Variants in PIK3R5 observed in about 807,000 individuals in gnomAD.
PIK3R5 encodes the protein phosphoinositide 3-kinase regulatory subunit 5.
A neutral mutation model predicts 94.9 loss-of-function variants in PIK3R5; 32 were observed. The ratio of observed to expected loss-of-function variants is 0.34; its 90% CI spans 0.25 to 0.45. The LOEUF (loss-of-function observed/expected upper bound fraction) is 0.45, where lower values mean the gene tolerates loss of function less well. Ranked by LOEUF, PIK3R5 falls within the 20% of genes least tolerant of loss-of-function variation. The probability of loss-of-function intolerance (pLI) is 1.00; values close to 1 mark genes in which losing one functional copy is unlikely to be tolerated. For missense variants in PIK3R5, 853 were observed against 1,144.6 expected, an observed-to-expected ratio of 0.75 and a Z score of 3.68; for synonymous variants, 443 against 479.4, an observed-to-expected ratio of 0.92 and a Z score of 0.99.
intron 1 of PIK3R5, among the ~76,000 whole-genome samples, chr17:8,929,430 G>T (rs540973760): frequency 2.0e-5 from 3 of 152,272 alleles, no homozygotes; most frequent in African/African-American, 7.2e-5. Flanking sequence ...ATAAAGTGGA[G>T]CTCAGAGCAA....
intron 1 of PIK3R5, among the ~76,000 whole-genome samples, chr17:8,923,903 TCCCC>T (rs2090805525): frequency 3.6e-4 from 9 of 25,000 alleles, no homozygotes; most frequent in African/African-American, 1.3e-3. Context: ...TCCCCTCCCC[TCCCC>T]TTCCCTTCCC....
At chr17:8,910,293 A>G (rs1195149995) in intron 2 of PIK3R5, among the ~76,000 whole-genome samples, 1 of 152,184 alleles carries the variant, frequency 6.6e-6, no homozygotes. Context: ...CCATGTGGTC[A>G]CAGGTTGTCA....
At chr17:8,959,460 C>T (rs1194163316) in intron 1 of PIK3R5, among the ~76,000 whole-genome samples, 1 of 152,114 alleles carries the variant, frequency 6.6e-6, no homozygotes. Context: ...TTCACATGTA[C>T]ATGTGTGCTT....
intron 1 of PIK3R5, among the ~76,000 whole-genome samples, chr17:8,941,901 C>T (rs1232277988): frequency 6.6e-6 from 1 of 152,192 alleles, no homozygotes; most frequent in Non-Finnish European, 1.5e-5. Flanking sequence ...AGAAAGATCC[C>T]CCTATTTACT....
chr17:8,888,818 C>T lies in PIK3R5; in HGVS notation c.969G>A (p.Glu323=), dbSNP rs555125485. 6 of 1,610,390 alleles carry T rather than the reference C, an allele frequency of 3.7e-6. No homozygotes were observed. The Admixed American group carries it at 1.0e-4, about 27-fold the overall frequency. ...CCTCCACCTCCTCCTCCTCCTCTTC[C>T]TCCTCTTCATCATCTCCCAGGATCC... ...QPGILGDDEE[E]EEEEEEVEED... The change falls in exon 10 of 19, where the codon GAG becomes GAA. Residue 323 remains glutamate (E), a synonymous_variant. Transcript: ENST00000447110. The surrounding 1 kb of genome is among the most constrained non-coding windows in gnomAD (Gnocchi z 7.8).
At chr17:8,942,128 C>A (rs751634030) in intron 1 of PIK3R5, among the ~76,000 whole-genome samples, 12 of 152,146 alleles carry the variant, frequency 7.9e-5, no homozygotes, top group Non-Finnish European at 1.5e-4. Context: ...CAGCTTCTCT[C>A]CCTTCCATTG....
chr17:8,885,042 C>T, intron 14 of PIK3R5: 1 of 483,362 alleles, frequency 2.1e-6, no homozygotes, highest in South Asian at 2.1e-5. Flanking sequence ...TCTCCAGGGC[C>T]CCATCTCCGC....
Position 8,880,603 on chromosome 17 carries a change from C to T in PIK3R5, c.*36G>A. ...CTGGAGGGGTGGCCGAGGAGGTTGCCCCAGGGCTTCTGTCCAGTCTGGCGC... is the reference window on the plus strand; with the variant it reads ...CTGGAGGGGTGGCCGAGGAGGTTGCTCCAGGGCTTCTGTCCAGTCTGGCGC... On this transcript the variant is annotated 3_prime_UTR_variant, in exon 19 of 19. Coordinates refer to ENST00000447110, the MANE Select transcript of PIK3R5 (RefSeq NM_001142633.3). 1 of 1,560,644 alleles carries T rather than the reference C, an allele frequency of 6.4e-7. No homozygotes were observed. The highest frequency in any genetic ancestry group is 1.2e-5 in the South Asian group (1 of 82,514).
At position 8,893,512 on chromosome 17, in the gene PIK3R5, G is replaced by A; in HGVS notation, c.482+74C>T. Reference sequence around the variant, plus strand: ...GGCACTGGATGTTTGAGTGGGGGAGGAGGGTGAAGGTGGAACAGTGCAGGG... The same window carrying A: ...GGCACTGGATGTTTGAGTGGGGGAGAAGGGTGAAGGTGGAACAGTGCAGGG... On this transcript the variant is annotated intron_variant, in intron 6 of 18. Transcript: ENST00000447110. This position sits in a 1 kb window ranked among gnomAD's most constrained non-coding sequence, Gnocchi z 5.1. 7 of 1,164,486 alleles carry A rather than the reference G, an allele frequency of 6.0e-6. No individual in the cohort carries two copies. In the Admixed American group the frequency reaches 1.0e-4, roughly 17 times the overall value. 72.1% of individuals were successfully genotyped at this position (1,164,486 alleles called of 1,614,324 possible).
chr17:8,906,751 C>T (rs1247823858), intron 3 of PIK3R5, among the ~76,000 whole-genome samples: 1 of 151,968 alleles, frequency 6.6e-6, no homozygotes, highest in Non-Finnish European at 1.5e-5. Context: ...GGCACAGTGG[C>T]GCACACCTGT....
At position 8,934,569 on chromosome 17, in the gene PIK3R5, G is replaced by A. The variant is rs150443940; in HGVS notation, c.-13-23062C>T. Among the ~76,000 whole-genome samples, 274 of 152,118 alleles carry A rather than the reference G, an allele frequency of 1.8e-3. 1 individual carries two copies. Among genetic ancestry groups the A allele is most frequent in the African/African-American group, 5.8e-3 (239 of 41,500 alleles). On this transcript the variant is annotated intron_variant, in intron 1 of 18. Transcript: ENST00000447110. ...AAATAGAAATGAATAACATGCCTTCGGTATATGGAAATACCAAAGACTTAA... is the reference window on the plus strand; with the variant it reads ...AAATAGAAATGAATAACATGCCTTCAGTATATGGAAATACCAAAGACTTAA...
Position 8,881,485 on chromosome 17 carries a change from T to A in PIK3R5, c.2382+145A>T, listed in dbSNP as rs1306788922. ...TCCTCCCCCACCTCTCCTCTCTCTC[T>A]CACACACACACAAGTATGTACACAC... is the stretch of plus-strand genomic sequence containing the variant. On this transcript the variant is annotated intron_variant, in intron 17 of 18. Transcript: ENST00000447110. The surrounding 1 kb of genome is among the most constrained non-coding windows in gnomAD (Gnocchi z 4.8). 3.1e-5 allele frequency: 22 copies of A among 699,674 alleles called. No individual in the cohort carries two copies. The highest frequency in any genetic ancestry group is 4.1e-5 in the Non-Finnish European group (16 of 394,908). 43.3% of individuals were successfully genotyped at this position (699,674 alleles called of 1,614,324 possible). A position where few individuals can be genotyped will look rare whatever the true frequency, so the allele number is the denominator to read the frequency against.
Position 8,889,129 on chromosome 17 carries a change from G to A in PIK3R5, c.895+10C>T, listed in dbSNP as rs150063233. ...GGGGCATGGGTGTCACCAGGGCCCCGGCTCCTTACCAAAGCTGTCCTGGCT... is the reference window on the plus strand; with the variant it reads ...GGGGCATGGGTGTCACCAGGGCCCCAGCTCCTTACCAAAGCTGTCCTGGCT... On this transcript the variant is annotated intron_variant, in intron 9 of 18. Transcript: ENST00000447110. This position sits in a 1 kb window ranked among gnomAD's most constrained non-coding sequence, Gnocchi z 4.1. 6.0e-5 allele frequency: 96 copies of A among 1,612,340 alleles called. No homozygotes were observed. Among genetic ancestry groups the A allele is most frequent in the African/African-American group, 1.2e-4 (9 of 74,978 alleles).
At chr17:8,926,046 A>C (rs2090877558) in intron 1 of PIK3R5, among the ~76,000 whole-genome samples, 1 of 152,202 alleles carries the variant, frequency 6.6e-6, no homozygotes, top group Non-Finnish European at 1.5e-5. Context: ...TGGCACCGGA[A>C]GTATCACAAA....
Position 8,893,743 on chromosome 17 carries a change from T to C in PIK3R5, c.413-88A>G. Reference sequence around the variant, plus strand: ...TCGTGGGGAGCCAAGCACTGGACAATCAGGTTGGAAATTCCCGGATGGAGC... The same window carrying C: ...TCGTGGGGAGCCAAGCACTGGACAACCAGGTTGGAAATTCCCGGATGGAGC... On this transcript the variant is annotated intron_variant, in intron 5 of 18. Coordinates refer to ENST00000447110, the MANE Select transcript of PIK3R5 (RefSeq NM_001142633.3). The surrounding 1 kb of genome is among the most constrained non-coding windows in gnomAD (Gnocchi z 5.1). 3 of 1,027,318 alleles carry C rather than the reference T, an allele frequency of 2.9e-6. No individual in the cohort carries two copies. The East Asian group carries it at 7.4e-5, about 25-fold the overall frequency. The allele number at this position is 1,027,318 out of a possible 1,614,324, so 63.6% of individuals were successfully genotyped here.
rs770062068 is a variant in PIK3R5, at chr17:8,886,477, C to T, written c.2034G>A (p.Glu678=). The T allele has an allele frequency of 5.6e-6, 9 of 1,602,344 alleles. No individual in the cohort carries two copies. The East Asian group carries it at 6.7e-5, about 12-fold the overall frequency. ...RPVLLQVYQT[E]LTFITGEKTT... ...GCGGTTCGGGGCAGGGAGGCCTTAC[C>T]TCGGTCTGATAGACTTGCAGCAGCA... Residue 678 remains glutamate (E), a splice_region_variant and synonymous_variant, in exon 13 of 19, where the codon GAG becomes GAA. Transcript: ENST00000447110.
intron 1 of PIK3R5, among the ~76,000 whole-genome samples, chr17:8,942,963 TACAC>T (rs112851950): frequency 2.0e-5 from 3 of 149,164 alleles, no homozygotes; most frequent in South Asian, 2.1e-4. Flanking sequence ...GATCACGTCA[TACAC>T]ACACACACAC....
chr17:8,939,804 C>T (rs2091141530), intron 1 of PIK3R5, among the ~76,000 whole-genome samples: 2 of 152,204 alleles, frequency 1.3e-5, no homozygotes, highest in African/African-American at 4.8e-5. Context: ...GCCCCTCCCT[C>T]TCCCAGGGAC....
intron 1 of PIK3R5, among the ~76,000 whole-genome samples, chr17:8,952,800 G>A (rs757643796): frequency 3.9e-5 from 6 of 152,140 alleles, no homozygotes; most frequent in African/African-American, 7.2e-5. Context: ...CACAGCCAAC[G>A]AGAAGTAAGC....
Sources: allele counts gnomAD v4.1 joint callset (sites outside exome capture counted in the v4.1 genomes callset), GRCh38; gene constraint gnomAD v4.1.1; non-coding constraint Gnocchi (gnomAD v3.1); transcripts MANE v1.5; gene names NCBI Gene and HGNC (gene_info 2026-07-23, HGNC 2026-07-21).